Variants in FHIT observed in about 807,000 individuals in gnomAD.
FHIT encodes fragile histidine triad diadenosine triphosphatase.
Under a neutral mutation model 17.9 loss-of-function variants are expected in FHIT, and 19 were observed. The observed-to-expected ratio is 1.06, with a 90% CI of 0.74 to 1.56. FHIT has a LOEUF of 1.56. Ranked by LOEUF, FHIT falls within the 40% of genes most tolerant of loss-of-function variation. FHIT has a pLI of 0.00. For synonymous variants in FHIT, 81 were observed against 69.7 expected (o/e 1.16, Z -0.81); for missense variants, 248 against 189.2 (o/e 1.31, Z -1.82).
chr3:61,134,669 G>A (rs984579017), intron 2 of FHIT, among the ~76,000 whole-genome samples: 1 of 152,136 alleles, frequency 6.6e-6, no homozygotes, highest in Non-Finnish European at 1.5e-5. Flanking sequence ...AGGTGCAGGA[G>A]TTTATGTGAG....
At chr3:60,114,155 A>C (rs537628337) in intron 5 of FHIT, among the ~76,000 whole-genome samples, 1 of 148,580 alleles carries the variant, frequency 6.7e-6, no homozygotes, top group Admixed American at 6.8e-5. Flanking sequence ...CCTTTTATGT[A>C]AATTACTTAC....
At chr3:60,308,639 A>G (rs1302656246) in intron 5 of FHIT, among the ~76,000 whole-genome samples, 1 of 151,972 alleles carries the variant, frequency 6.6e-6, no homozygotes, top group Non-Finnish European at 1.5e-5. Context: ...GCATGAGAGC[A>G]TGAATTTGCC....
chr3:60,887,058 T>TA (rs1553759436), intron 3 of FHIT, among the ~76,000 whole-genome samples: 1 of 152,192 alleles, frequency 6.6e-6, no homozygotes, highest in East Asian at 1.9e-4. Context: ...ACGATTGATA[T>TA]AAAAAGTTTT....
At chr3:60,953,740 A>G (rs1324342091) in intron 3 of FHIT, among the ~76,000 whole-genome samples, 2 of 152,174 alleles carry the variant, frequency 1.3e-5, no homozygotes, top group African/African-American at 4.8e-5. Flanking sequence ...ATAAATTACA[A>G]ACCAAACTTA....
chr3:60,163,304 C>T (rs973225478), intron 5 of FHIT, among the ~76,000 whole-genome samples: 1 of 152,094 alleles, frequency 6.6e-6, no homozygotes, highest in Non-Finnish European at 1.5e-5. Flanking sequence ...ATGTCACCTC[C>T]AAAGGTAGGT....
At chr3:59,903,373 A>G (rs1443873672) in intron 8 of FHIT, among the ~76,000 whole-genome samples, 1 of 152,184 alleles carries the variant, frequency 6.6e-6, no homozygotes, top group African/African-American at 2.4e-5. Flanking sequence ...ACAGTTACAC[A>G]ACTCTGAATA....
intron 4 of FHIT, chr3:60,690,499 C>A: frequency 1.8e-6 from 1 of 564,738 alleles, no homozygotes. Context: ...GGACTTGCTA[C>A]CAGTGCCATT....
chr3:60,824,032 C>A (rs936672645), intron 3 of FHIT, among the ~76,000 whole-genome samples: 1 of 152,100 alleles, frequency 6.6e-6, no homozygotes, highest in Non-Finnish European at 1.5e-5. Context: ...GGGTGCTAGA[C>A]CTTATGGGCC....
chr3:61,102,989 C>G (rs2035879905), intron 2 of FHIT, among the ~76,000 whole-genome samples: 1 of 152,032 alleles, frequency 6.6e-6, no homozygotes, highest in Non-Finnish European at 1.5e-5. Context: ...TTTTGTTGAT[C>G]TTTTCAAAAA....
At chr3:60,075,235 A>G (rs762818767) in intron 5 of FHIT, among the ~76,000 whole-genome samples, 3 of 151,850 alleles carry the variant, frequency 2.0e-5, no homozygotes, top group Non-Finnish European at 4.4e-5. Context: ...GGAATAATCA[A>G]TCACTCAATT....
chr3:60,107,086 G>C (rs1298097529), intron 5 of FHIT, among the ~76,000 whole-genome samples: 1 of 150,516 alleles, frequency 6.6e-6, no homozygotes, highest in Non-Finnish European at 1.5e-5. Context: ...ACCAATCTGG[G>C]CACTATTTTC....
At chr3:59,778,651 A>G (rs556084713) in intron 8 of FHIT, among the ~76,000 whole-genome samples, 1 of 152,334 alleles carries the variant, frequency 6.6e-6, no homozygotes, top group African/African-American at 2.4e-5. Context: ...CAGCAGGTCC[A>G]ACTTGGCATG....
At chr3:59,945,338 G>C (rs1341103393) in intron 7 of FHIT, among the ~76,000 whole-genome samples, 1 of 152,088 alleles carries the variant, frequency 6.6e-6, no homozygotes, top group African/African-American at 2.4e-5. Flanking sequence ...AGAAGTATCT[G>C]TTCATGTCCT....
intron 5 of FHIT, among the ~76,000 whole-genome samples, chr3:60,277,932 G>A (rs554442214): frequency 6.6e-6 from 1 of 152,230 alleles, no homozygotes; most frequent in South Asian, 2.1e-4. Flanking sequence ...GAAAAAAGAT[G>A]AACCAACTGG....
intron 5 of FHIT, among the ~76,000 whole-genome samples, chr3:60,526,836 C>G (rs922422822): frequency 3.9e-5 from 6 of 152,186 alleles, no homozygotes; most frequent in Non-Finnish European, 7.3e-5. Context: ...ATGCCAGTGT[C>G]ATTTTGTGGA....
At chr3:60,405,144 T>C (rs1285933868) in intron 5 of FHIT, among the ~76,000 whole-genome samples, 1 of 152,184 alleles carries the variant, frequency 6.6e-6, no homozygotes, top group Non-Finnish European at 1.5e-5. Context: ...GTTTAAAGCC[T>C]GAAAGCCTAG....
intron 5 of FHIT, among the ~76,000 whole-genome samples, chr3:60,135,072 T>C (rs1007485833): frequency 6.6e-6 from 1 of 151,798 alleles, no homozygotes; most frequent in Non-Finnish European, 1.5e-5. Flanking sequence ...GAATCTCAAA[T>C]AAAAAGGGCA....
chr3:61,046,845 A>T (rs1238421621), intron 2 of FHIT, among the ~76,000 whole-genome samples: 1 of 152,236 alleles, frequency 6.6e-6, no homozygotes, highest in South Asian at 2.1e-4. Context: ...AACATATGCA[A>T]ATCAAAAAAC....
At chr3:61,179,453 T>C (rs753961768) in intron 2 of FHIT, among the ~76,000 whole-genome samples, 7 of 152,126 alleles carry the variant, frequency 4.6e-5, no homozygotes, top group Non-Finnish European at 7.4e-5. Context: ...CCCACATCTG[T>C]AATCCCAACA....
Sources: gnomAD v4.1 joint callset for allele counts (sites outside exome capture counted in the v4.1 genomes callset) on GRCh38, gnomAD v4.1.1 for gene constraint, MANE v1.5 for transcripts, NCBI Gene and HGNC (gene_info 2026-07-23, HGNC 2026-07-21) for gene names.